Variants in ADK observed in about 807,000 individuals in gnomAD.
ADK encodes adenosine kinase, also known as N6,N6-dimethyladenosine kinase.
Under a neutral mutation model 44.7 loss-of-function variants are expected in ADK, and 24 were observed. The observed-to-expected ratio is 0.54, with a 90% confidence interval of 0.39 to 0.76. The LOEUF is 0.76. ADK is among the 30% of genes least tolerant of loss of function. The pLI is 0.00. For missense variants in ADK, 321 were observed against 425.1 expected (o/e 0.76, Z 2.15); for synonymous variants, 128 against 142.6 (o/e 0.90, Z 0.73).
chr10:74,580,649 G>A (rs185955074), intron 7 of ADK, among the ~76,000 whole-genome samples: 16 of 151,178 alleles, frequency 1.1e-4, no homozygotes, highest in Admixed American at 7.2e-4. Flanking sequence ...AAGATGTGAC[G>A]TGCTCCTCCT....
At chr10:74,421,080 G>A (rs1844540272) in intron 6 of ADK, among the ~76,000 whole-genome samples, 2 of 152,136 alleles carry the variant, frequency 1.3e-5, no homozygotes, top group Non-Finnish European at 2.9e-5. Context: ...TAGAATGCAA[G>A]CTGTAACAAA....
intron 2 of ADK, among the ~76,000 whole-genome samples, chr10:74,215,935 C>T (rs570934132): frequency 2.0e-4 from 30 of 152,254 alleles, no homozygotes; most frequent in African/African-American, 6.5e-4. Context: ...GGATTACAGG[C>T]GTGAGCCACC....
intron 9 of ADK, among the ~76,000 whole-genome samples, chr10:74,665,337 AC>A (rs1854906479): frequency 6.6e-6 from 1 of 152,200 alleles, no homozygotes. Flanking sequence ...ACGTAGTCAT[AC>A]TTTTCACTTT....
intron 6 of ADK, among the ~76,000 whole-genome samples, chr10:74,503,796 G>A (rs1847957202): frequency 6.6e-6 from 1 of 152,136 alleles, no homozygotes; most frequent in African/African-American, 2.4e-5. Context: ...CTGATTACTA[G>A]TTATCAGCAT....
At chr10:74,467,893 A>G (rs1343450988) in intron 6 of ADK, among the ~76,000 whole-genome samples, 2 of 152,290 alleles carry the variant, frequency 1.3e-5, no homozygotes, top group Admixed American at 6.5e-5. Flanking sequence ...TTATGAAACT[A>G]GGTAGAGGTC....
intron 1 of ADK, among the ~76,000 whole-genome samples, chr10:74,162,683 T>TA (rs1841940359): frequency 6.6e-6 from 1 of 151,480 alleles, no homozygotes; most frequent in Non-Finnish European, 1.5e-5. Flanking sequence ...TAGCTGGGAT[T>TA]ACAGTCATGC....
intron 6 of ADK, among the ~76,000 whole-genome samples, chr10:74,447,089 A>G (rs148872185): frequency 6.6e-6 from 1 of 152,130 alleles, no homozygotes; most frequent in East Asian, 1.9e-4. Flanking sequence ...TCTTATGTTC[A>G]GTAGTTGGTG....
At chr10:74,232,035 T>C (rs1437412189) in intron 3 of ADK, among the ~76,000 whole-genome samples, 3 of 152,002 alleles carry the variant, frequency 2.0e-5, no homozygotes, top group African/African-American at 7.2e-5. Flanking sequence ...CTAGAGTTGA[T>C]TGAGATCATT....
At chr10:74,342,849 T>C (rs1488599299) in intron 4 of ADK, among the ~76,000 whole-genome samples, 2 of 150,816 alleles carry the variant, frequency 1.3e-5, no homozygotes, top group Admixed American at 6.7e-5. Context: ...ACAGCCTTTC[T>C]GAACTTACTT....
intron 10 of ADK, among the ~76,000 whole-genome samples, chr10:74,698,848 C>A (rs1050570484): frequency 2.0e-5 from 3 of 151,758 alleles, no homozygotes; most frequent in Non-Finnish European, 4.4e-5. Context: ...CATGAGCCAC[C>A]AGGCCTGACT....
At chr10:74,613,518 T>C (rs929652776) in intron 9 of ADK, among the ~76,000 whole-genome samples, 14 of 152,214 alleles carry the variant, frequency 9.2e-5, no homozygotes, top group African/African-American at 3.1e-4. Flanking sequence ...TGCTTATAAT[T>C]TAACATAGTT....
At chr10:74,342,698 C>T (rs750675241) in intron 4 of ADK, among the ~76,000 whole-genome samples, 2 of 152,034 alleles carry the variant, frequency 1.3e-5, no homozygotes, top group Non-Finnish European at 2.9e-5. Flanking sequence ...TGGTCTCGAA[C>T]TCTTGGGCTC....
chr10:74,416,083 G>A (rs182337790), intron 6 of ADK, among the ~76,000 whole-genome samples: 4 of 151,094 alleles, frequency 2.6e-5, no homozygotes, highest in South Asian at 2.1e-4. Context: ...TAATGCTACC[G>A]TGTTTGAGGG....
chr10:74,594,767 A>T (rs1326030669), intron 8 of ADK, among the ~76,000 whole-genome samples: 1 of 152,186 alleles, frequency 6.6e-6, no homozygotes, highest in East Asian at 1.9e-4. Context: ...CATTTATAAA[A>T]TGCTCACAGT....
intron 10 of ADK, among the ~76,000 whole-genome samples, chr10:74,689,722 A>C (rs1433500810): frequency 6.6e-6 from 1 of 152,248 alleles, no homozygotes; most frequent in Non-Finnish European, 1.5e-5. Flanking sequence ...TCTCTAGTGA[A>C]GAGCACTGAG....
At chr10:74,356,395 A>G (rs930846325) in intron 4 of ADK, among the ~76,000 whole-genome samples, 4 of 152,228 alleles carry the variant, frequency 2.6e-5, no homozygotes, top group Middle Eastern at 3.2e-3. Context: ...GACCAACTAC[A>G]GTTCACATTT....
At chr10:74,456,450 G>A (rs537293253) in intron 6 of ADK, among the ~76,000 whole-genome samples, 32 of 152,054 alleles carry the variant, frequency 2.1e-4, no homozygotes, top group Non-Finnish European at 3.5e-4. Context: ...CGAGGCGGGC[G>A]GATCACAAGG....
chr10:74,325,199 A>G (rs973061025), intron 4 of ADK, among the ~76,000 whole-genome samples: 1 of 151,890 alleles, frequency 6.6e-6, no homozygotes, highest in Admixed American at 6.6e-5. Flanking sequence ...GAGATCTTTT[A>G]TCTCCTTGGT....
At chr10:74,653,058 A>T (rs771175605) in intron 9 of ADK, among the ~76,000 whole-genome samples, 5 of 152,182 alleles carry the variant, frequency 3.3e-5, no homozygotes, top group Non-Finnish European at 5.9e-5. Flanking sequence ...TCTTTAGATT[A>T]TTCAATCTTT....
Sources: allele counts gnomAD v4.1 joint callset (sites outside exome capture counted in the v4.1 genomes callset), GRCh38; gene constraint gnomAD v4.1.1; transcripts MANE v1.5; gene names NCBI Gene and HGNC (gene_info 2026-07-23, HGNC 2026-07-21).